Variants in DAPK2 observed in about 807,000 individuals in gnomAD.
DAPK2 encodes the protein death-associated protein kinase 2.
DAPK2 carries 35 observed loss-of-function variants against 44.1 expected under a neutral mutation model. The observed-to-expected ratio is 0.79, with a 90% CI of 0.61 to 1.05. DAPK2 has a LOEUF of 1.05. DAPK2 is among the 50% of genes least tolerant of loss of function. The pLI is 0.00. For missense variants in DAPK2, 453 were observed against 483.2 expected (o/e 0.94, Z 0.59); for synonymous variants, 174 against 182.6 (o/e 0.95, Z 0.38).
intron 1 of DAPK2, among the ~76,000 whole-genome samples, chr15:64,012,939 GACTGTAAAATGTTTACACTACAACATAA>G (rs1186056502): frequency 6.6e-6 from 1 of 152,220 alleles, no homozygotes; most frequent in Admixed American, 6.5e-5. Flanking sequence ...TATAGGGAAT[GACTGTAAAATGTTTACACTACAACATAA>G]ATAGGGAAAT....
At chr15:64,040,180 C>T (rs2080315527) in exon 1 of DAPK2, 2 of 1,613,894 alleles carry the variant, frequency 1.2e-6, no homozygotes, top group Non-Finnish European at 1.7e-6. Context: ...CTCCCCAGCT[C>T]CTCTCCGATG....
chr15:63,967,150 A>G (rs1189154770), intron 3 of DAPK2, among the ~76,000 whole-genome samples: 1 of 152,184 alleles, frequency 6.6e-6, no homozygotes, highest in Non-Finnish European at 1.5e-5. Flanking sequence ...ACTGCACTCC[A>G]GCCTGGGCAA....
intron 8 of DAPK2, chr15:63,922,560 G>A (rs2079104636): frequency 1.4e-6 from 2 of 1,403,080 alleles, no homozygotes. Flanking sequence ...GAGGGGAGGT[G>A]CAGAATGAAG....
At chr15:64,044,767 G>A (rs903955047), upstream of DAPK2, among the ~76,000 whole-genome samples, 4 of 152,154 alleles carry the variant, frequency 2.6e-5, no homozygotes, top group African/African-American at 7.2e-5. Context: ...TCTGCAAAGT[G>A]AACTCTCTCA....
rs991715201 is a variant in DAPK2 at position 64,033,147 on chromosome 15, C to T, written c.92+7023G>A. On this transcript the variant is annotated intron_variant, in intron 1 of 10. Coordinates refer to ENST00000261891, the Ensembl canonical transcript of DAPK2. Reference sequence around the variant, plus strand: ...TGGTGGCACATGCCTGTGGTTCCAGCTACTTGGAAGGCTGAGGTGGGACGA... The same window carrying T: ...TGGTGGCACATGCCTGTGGTTCCAGTTACTTGGAAGGCTGAGGTGGGACGA... 6.6e-5 allele frequency among the ~76,000 whole-genome samples: 10 copies of T among 151,778 alleles called. 1 individual carries two copies. In the East Asian group the frequency reaches 1.4e-3, roughly 21 times the overall value.
rs2078471132 is a variant in DAPK2, at chr15:63,980,421, A to G, written c.314+3112T>C. 6.6e-6 allele frequency among the ~76,000 whole-genome samples: 1 copy of G among 152,240 alleles called. No homozygotes were observed. Among genetic ancestry groups the G allele is most frequent in the African/African-American group, 2.4e-5 (1 of 41,466 alleles). On this transcript the variant is annotated intron_variant, in intron 2 of 10. Coordinates refer to ENST00000261891, the Ensembl canonical transcript of DAPK2. This position sits in a 1 kb window ranked among gnomAD's most constrained non-coding sequence, Gnocchi z 4.3. ...TCAATAAATAATGAAACACGTTTCAAAACAAATGACCCAGGGCTGGCAGGG... is the reference window on the plus strand; with the variant it reads ...TCAATAAATAATGAAACACGTTTCAGAACAAATGACCCAGGGCTGGCAGGG...
intron 8 of DAPK2, chr15:63,921,031 CA>C (rs951998032): frequency 3.3e-5 from 5 of 152,312 alleles, no homozygotes; most frequent in African/African-American, 1.2e-4. Flanking sequence ...GCTTCTCTCC[CA>C]GCATGAACAC....
At chr15:64,001,027 G>A (rs572995831) in intron 1 of DAPK2, among the ~76,000 whole-genome samples, 3 of 151,912 alleles carry the variant, frequency 2.0e-5, no homozygotes, top group Admixed American at 1.3e-4. Context: ...TTACAGGTAC[G>A]TGCCACCACG....
intron 8 of DAPK2, among the ~76,000 whole-genome samples, chr15:63,924,281 G>A (rs1360637852): frequency 6.6e-6 from 1 of 152,150 alleles, no homozygotes; most frequent in Non-Finnish European, 1.5e-5. Context: ...CTCCCCAGAG[G>A]GAACAGAATT....
At chr15:63,962,940 C>A (rs2077952588) in intron 3 of DAPK2, among the ~76,000 whole-genome samples, 2 of 152,224 alleles carry the variant, frequency 1.3e-5, no homozygotes, top group Admixed American at 1.3e-4. Context: ...CTATGCCGTG[C>A]CCCCAGAGGT....
Position 63,923,778 on chromosome 15 carries a change from T to C in DAPK2, c.858+1038A>G, listed in dbSNP as rs1349118728. Among the ~76,000 whole-genome samples, 2 of 152,206 alleles carry C rather than the reference T, an allele frequency of 1.3e-5. No homozygotes were observed. Among genetic ancestry groups the C allele is most frequent in the Non-Finnish European group, 2.9e-5 (2 of 68,028 alleles). ...TGAAGCTGAGCAGATAAAGCTGACCTCTTCCCAGACGACTCCAGCCCTCCC... is the reference window on the plus strand; with the variant it reads ...TGAAGCTGAGCAGATAAAGCTGACCCCTTCCCAGACGACTCCAGCCCTCCC... On this transcript the variant is annotated intron_variant, in intron 8 of 10. Transcript: ENST00000261891. This position sits in a 1 kb window ranked among gnomAD's most constrained non-coding sequence, Gnocchi z 4.2.
rs1362967636 is a variant in DAPK2, at chr15:63,916,640, TGGGA to T, written c.859-4447_859-4444del. On this transcript the variant is annotated intron_variant, in intron 8 of 10. Coordinates refer to ENST00000261891, the Ensembl canonical transcript of DAPK2. The surrounding 1 kb of genome is among the most constrained non-coding windows in gnomAD (Gnocchi z 4.7). ...GCTTGAGGCTCTGCCTCCTCCTAAG[TGGGA>T]GGGACAGCTGCAGAAAGGCTGTGAG... 1 of 152,212 alleles carries T rather than the reference TGGGA, an allele frequency of 6.6e-6. No homozygotes were observed. The highest frequency in any genetic ancestry group is 1.5e-5 in the Non-Finnish European group (1 of 68,058). 9.4% of individuals were successfully genotyped at this position (152,212 alleles called of 1,614,324 possible). A position where few individuals can be genotyped will look rare whatever the true frequency, so the allele number is the denominator to read the frequency against.
At position 63,983,556 on chromosome 15, in the gene DAPK2, G is replaced by A. The variant is rs541062258; in HGVS notation, c.291C>T (p.Thr97=). The change falls in exon 2 of 11, where the codon ACC becomes ACT. Residue 97 remains threonine (T), a synonymous_variant. Coordinates refer to ENST00000261891, the Ensembl canonical transcript of DAPK2. The stretch of plus-strand genomic sequence containing the variant: ...ACAGCTCAAGGATGAGCACCACGTC[G>A]GTGCGGTTCTCATAGACGTCGTGCA... 4.3e-6 allele frequency: 7 copies of A among 1,614,130 alleles called. 1 individual carries two copies. The African/African-American group carries it at 5.3e-5, about 12-fold the overall frequency.
chr15:63,962,766 G>A (rs902385542), intron 3 of DAPK2, among the ~76,000 whole-genome samples: 3 of 152,208 alleles, frequency 2.0e-5, no homozygotes, highest in African/African-American at 7.2e-5. Flanking sequence ...CCCCTATTGG[G>A]AGGTGTCTCC....
intron 1 of DAPK2, among the ~76,000 whole-genome samples, chr15:63,987,618 G>A (rs748109212): frequency 6.6e-6 from 1 of 152,160 alleles, no homozygotes; most frequent in Non-Finnish European, 1.5e-5. Context: ...AAGTTTCATG[G>A]GCTTGACAGG....
chr15:63,938,969 G>GTTTA (rs1452860133), intron 4 of DAPK2, among the ~76,000 whole-genome samples: 6 of 152,112 alleles, frequency 3.9e-5, no homozygotes, highest in Admixed American at 6.6e-5. Flanking sequence ...CGCTACAAGG[G>GTTTA]TTTAACCTTA....
chr15:63,924,976 A>C (rs2079198737), intron 7 of DAPK2, 115 bp from the exon 9 acceptor site: 19 of 1,082,850 alleles, frequency 1.8e-5, no homozygotes, highest in Non-Finnish European at 2.6e-5. Context: ...CACTGCCGTC[A>C]AACCAGTGGA....
chr15:63,912,684 A>G lies in DAPK2; in HGVS notation c.859-487T>C, dbSNP rs2078829164. 6.6e-6 allele frequency among the ~76,000 whole-genome samples: 1 copy of G among 152,252 alleles called. No homozygotes were observed. ...AACAGGATGTGCAGTTGCTTTTCAC[A>G]GCCTGGCAGTCAGAGCTCAGCTTAA... On this transcript the variant is annotated intron_variant, in intron 8 of 10. Transcript: ENST00000261891. This position sits in a 1 kb window ranked among gnomAD's most constrained non-coding sequence, Gnocchi z 4.4.
At chr15:64,032,992 A>T (rs983766947) in intron 1 of DAPK2, among the ~76,000 whole-genome samples, 3 of 152,244 alleles carry the variant, frequency 2.0e-5, no homozygotes, top group African/African-American at 7.2e-5. Flanking sequence ...AGGCTGAGGC[A>T]CGAGAATTGC....
Sources: gnomAD v4.1 joint callset for allele counts (sites outside exome capture counted in the v4.1 genomes callset) on GRCh38, gnomAD v4.1.1 for gene constraint, Gnocchi (gnomAD v3.1) non-coding constraint, MANE v1.5 for transcripts, NCBI Gene and HGNC (gene_info 2026-07-23, HGNC 2026-07-21) for gene names.